Variants in TENM3 observed in about 807,000 individuals in gnomAD.
TENM3 encodes teneurin-3.
In TENM3, 63 loss-of-function variants were observed where a neutral mutation model predicts 255.1. The ratio of observed to expected loss-of-function variants is 0.25; its 90% CI spans 0.20 to 0.30. TENM3 has a LOEUF of 0.30. TENM3 is among the 10% of genes least tolerant of loss of function. TENM3 has a pLI of 1.00. For synonymous variants in TENM3, 1,306 were observed against 1,322.3 expected, an observed-to-expected ratio of 0.99 and a Z score of 0.27; for missense variants, 2,929 against 3,461.1, an observed-to-expected ratio of 0.85 and a Z score of 3.86.
the TENM3 span, among the ~76,000 whole-genome samples, chr4:181,947,967 C>T: frequency 6.6e-6 from 1 of 152,096 alleles, no homozygotes; most frequent in Admixed American, 6.6e-5. Context: ...CACACTTTTT[C>T]CATGAGACTC....
At chr4:181,943,257 G>A in the TENM3 span, among the ~76,000 whole-genome samples, 1 of 152,084 alleles carries the variant, frequency 6.6e-6, no homozygotes, top group Non-Finnish European at 1.5e-5. Context: ...CCTAGAGTTA[G>A]GCATTATGTT....
Position 182,792,708 on chromosome 4 carries a change from G to A in TENM3, c.6036G>A (p.Met2012Ile). Residue 2012 changes from methionine to isoleucine, a missense_variant, in exon 26 of 28, where the codon ATG (methionine) becomes ATA (isoleucine). By Grantham distance (10) the Met-to-Ile change is conservative. Coordinates refer to ENST00000511685, the MANE Select transcript of TENM3 (RefSeq NM_001080477.4). The surrounding 1 kb of genome is among the most constrained non-coding windows in gnomAD (Gnocchi z 6.3). Reference protein sequence around the residue: ...RQIFRFSEDGMVNARFDYSYD... With the variant: ...RQIFRFSEDGIVNARFDYSYD... ...TTTTCCGCTTTAGTGAAGATGGGATGGTAAATGCAAGATTTGACTATAGCT... is the reference window on the plus strand; with the variant it reads ...TTTTCCGCTTTAGTGAAGATGGGATAGTAAATGCAAGATTTGACTATAGCT... 3.7e-6 allele frequency: 6 copies of A among 1,613,908 alleles called. No homozygotes were observed. The highest frequency in any genetic ancestry group is 5.1e-6 in the Non-Finnish European group (6 of 1,179,882).
intron 1 of TENM3, among the ~76,000 whole-genome samples, chr4:182,246,902 A>G (rs2150095101): frequency 6.6e-6 from 1 of 152,230 alleles, no homozygotes; most frequent in African/African-American, 2.4e-5. Context: ...CTAAAACGAG[A>G]GATGAGGTAG....
At chr4:182,601,308 T>C in intron 4 of TENM3, 147 bp downstream of exon 4, 1 of 681,606 alleles carries the variant, frequency 1.5e-6, no homozygotes, top group Non-Finnish European at 2.5e-6. Flanking sequence ...TTCCAGATTG[T>C]TGTGATTTTT....
the TENM3 span, among the ~76,000 whole-genome samples, chr4:181,672,159 T>G: frequency 1.3e-5 from 2 of 152,142 alleles, no homozygotes; most frequent in Non-Finnish European, 2.9e-5. Context: ...GACTCTGTAA[T>G]GTAGTAAAAC....
intron 3 of TENM3, among the ~76,000 whole-genome samples, chr4:182,598,448 C>G (rs941678728): frequency 6.6e-6 from 1 of 152,140 alleles, no homozygotes; most frequent in Non-Finnish European, 1.5e-5. Flanking sequence ...CAGACACTTA[C>G]AAAATGAAGA....
At chr4:182,704,365 T>C (rs896790630) in intron 12 of TENM3, among the ~76,000 whole-genome samples, 4 of 152,188 alleles carry the variant, frequency 2.6e-5, no homozygotes, top group Non-Finnish European at 4.4e-5. Context: ...ACTTCCATTA[T>C]GTGTATGTAG....
chr4:182,754,870 T>C lies in TENM3; in HGVS notation c.4503T>C (p.Asn1501=), dbSNP rs1283225803. 1.9e-6 allele frequency: 3 copies of C among 1,613,932 alleles called. No individual in the cohort carries two copies. Among genetic ancestry groups the C allele is most frequent in the Non-Finnish European group, 2.5e-6 (3 of 1,179,914 alleles). ...GNIRIRAVSK[N]KPLLNSMNFY... is the part of the protein sequence containing the mutation. ...TCCGGATCCGGGCTGTGTCAAAGAA[T>C]AAGCCTTTACTTAACTCTATGAACT... The change falls in exon 22 of 28, where the codon AAT becomes AAC. Residue 1501 remains asparagine, a synonymous_variant. Transcript: ENST00000511685. The surrounding 1 kb of genome is among the most constrained non-coding windows in gnomAD (Gnocchi z 5.1).
the TENM3 span, among the ~76,000 whole-genome samples, chr4:181,727,265 A>G: frequency 1.6e-4 from 24 of 152,296 alleles, no homozygotes; most frequent in African/African-American, 5.8e-4. Context: ...ATCTTGTGGT[A>G]TCTAAGAGTT....
At chr4:181,474,264 T>C in the TENM3 span, among the ~76,000 whole-genome samples, 935 of 152,024 alleles carry the variant, frequency 6.2e-3, 7 homozygotes, top group African/African-American at 0.015. Flanking sequence ...TGTATACCTA[T>C]GTAACAAAAC....
chr4:181,817,825 G>C, the TENM3 span, among the ~76,000 whole-genome samples: 22 of 152,248 alleles, frequency 1.4e-4, no homozygotes, highest in African/African-American at 5.1e-4. Flanking sequence ...CTCTAGAACT[G>C]TAAGAAATAA....
At chr4:182,021,869 A>G in the TENM3 span, among the ~76,000 whole-genome samples, 1 of 152,232 alleles carries the variant, frequency 6.6e-6, no homozygotes, top group South Asian at 2.1e-4. Context: ...AAAAACTTCC[A>G]GTTATTAAAA....
At chr4:182,040,576 C>A in the TENM3 span, among the ~76,000 whole-genome samples, 2 of 152,128 alleles carry the variant, frequency 1.3e-5, no homozygotes, top group Non-Finnish European at 2.9e-5. Context: ...TTTGTGCTCA[C>A]CTACTTATAA....
the TENM3 span, among the ~76,000 whole-genome samples, chr4:182,013,733 A>T: frequency 2.4e-4 from 37 of 152,078 alleles, no homozygotes; most frequent in African/African-American, 8.5e-4. Flanking sequence ...TGACCAGTAG[A>T]AGTCAAATTT....
chr4:182,161,641 A>ATATGTATATACAAATATATATATG (rs1751207614), intron 1 of TENM3, among the ~76,000 whole-genome samples: 2 of 46,130 alleles, frequency 4.3e-5, no homozygotes, highest in African/African-American at 7.9e-5. Flanking sequence ...ATATATATGT[A>ATATGTATATACAAATATATATATG]TATATATATA....
upstream of TENM3, among the ~76,000 whole-genome samples, chr4:182,241,618 T>G (rs1218085257): frequency 6.7e-6 from 1 of 148,422 alleles, no homozygotes; most frequent in Non-Finnish European, 1.5e-5. Context: ...GGTTCAGGCC[T>G]CCTGCCTCAG....
At chr4:182,203,259 A>G (rs1442458707) in intron 1 of TENM3, among the ~76,000 whole-genome samples, 1 of 151,898 alleles carries the variant, frequency 6.6e-6, no homozygotes, top group African/African-American at 2.4e-5. Flanking sequence ...GCTCAAATAG[A>G]ATCTTTTGGT....
intron 3 of TENM3, among the ~76,000 whole-genome samples, chr4:182,489,847 TTCCTTTTCTTCCCTTCC>T (rs895862724): frequency 1.1e-3 from 49 of 45,392 alleles, no homozygotes; most frequent in Non-Finnish European, 2.1e-3. Context: ...TCCTCCCTCC[TTCCTTTTCTTCCCTTCC>T]TCCCTTCCTC....
At chr4:182,562,618 C>T (rs750498290) in intron 3 of TENM3, among the ~76,000 whole-genome samples, 63 of 152,262 alleles carry the variant, frequency 4.1e-4, no homozygotes, top group Admixed American at 6.5e-4. Context: ...TTGAGGCTGT[C>T]TCAGTTTCAT....
Sources: allele counts gnomAD v4.1 joint callset (sites outside exome capture counted in the v4.1 genomes callset), GRCh38; gene constraint gnomAD v4.1.1; non-coding constraint Gnocchi (gnomAD v3.1); transcripts MANE v1.5; gene names NCBI Gene and HGNC (gene_info 2026-07-23, HGNC 2026-07-21).